The following NTNG1 variants were observed in gnomAD, a reference collection of about 807,000 sequenced individuals.
NTNG1 encodes the protein netrin G1.
Under a neutral mutation model 54.0 loss-of-function variants are expected in NTNG1, and 16 were observed. That is an observed-to-expected ratio of 0.30 (90% confidence interval 0.20 to 0.45). The LOEUF (loss-of-function observed/expected upper bound fraction) is 0.45. Among genes scored for constraint, NTNG1 ranks in the 20% least tolerant of loss-of-function variants. The probability of loss-of-function intolerance (pLI) is 1.00; values close to 1 mark genes in which losing one functional copy is unlikely to be tolerated. For missense variants in NTNG1, 530 were observed against 678.7 expected (o/e 0.78, Z 2.43); for synonymous variants, 255 against 263.1 (o/e 0.97, Z 0.30).
At chr1:107,220,571 C>T (rs1389473984) in intron 2 of NTNG1, among the ~76,000 whole-genome samples, 1 of 152,228 alleles carries the variant, frequency 6.6e-6, no homozygotes, top group Non-Finnish European at 1.5e-5. Context: ...GTCTGACTAC[C>T]TGCCAGATCC....
At chr1:107,180,373 T>A (rs1370148455) in intron 2 of NTNG1, among the ~76,000 whole-genome samples, 1 of 152,122 alleles carries the variant, frequency 6.6e-6, no homozygotes, top group Non-Finnish European at 1.5e-5. Flanking sequence ...ACTTTTTAAA[T>A]CTAAAATTAA....
intron 5 of NTNG1, among the ~76,000 whole-genome samples, chr1:107,411,232 G>C (rs148062713): frequency 6.6e-6 from 1 of 152,092 alleles, no homozygotes; most frequent in African/African-American, 2.4e-5. Flanking sequence ...TTCACTTAAG[G>C]GAAATAGCTA....
intron 2 of NTNG1, among the ~76,000 whole-genome samples, chr1:107,176,547 C>T (rs957407208): frequency 2.0e-5 from 3 of 152,152 alleles, no homozygotes; most frequent in Non-Finnish European, 4.4e-5. Context: ...GGATGAACTG[C>T]ATATACACTT....
At chr1:107,425,387 T>C (rs1199084022) in intron 5 of NTNG1, among the ~76,000 whole-genome samples, 1 of 152,042 alleles carries the variant, frequency 6.6e-6, no homozygotes, top group Non-Finnish European at 1.5e-5. Flanking sequence ...TTTATGTCCG[T>C]ATGTACCCTT....
At chr1:107,441,409 T>C (rs935868572) in intron 7 of NTNG1, among the ~76,000 whole-genome samples, 1 of 152,018 alleles carries the variant, frequency 6.6e-6, no homozygotes, top group Non-Finnish European at 1.5e-5. Flanking sequence ...GAAGAATTCA[T>C]AGTCTGCTTA....
intron 2 of NTNG1, among the ~76,000 whole-genome samples, chr1:107,215,299 T>C (rs1218883902): frequency 2.0e-5 from 3 of 152,202 alleles, no homozygotes; most frequent in Non-Finnish European, 2.9e-5. Context: ...CCATCTTGAG[T>C]TGATTTTTAT....
At chr1:107,252,425 A>G (rs75588621) in intron 2 of NTNG1, among the ~76,000 whole-genome samples, 1 of 152,312 alleles carries the variant, frequency 6.6e-6, no homozygotes, top group African/African-American at 2.4e-5. Context: ...AATGGCTCCA[A>G]CAGGTAATCA....
chr1:107,307,250 A>G (rs1348580748), intron 2 of NTNG1, among the ~76,000 whole-genome samples: 2 of 152,210 alleles, frequency 1.3e-5, no homozygotes, highest in East Asian at 1.9e-4. Flanking sequence ...TGTGTATTCT[A>G]TGAAGAGATT....
chr1:107,154,756 A>G (rs965620501), intron 2 of NTNG1, among the ~76,000 whole-genome samples: 1 of 151,248 alleles, frequency 6.6e-6, no homozygotes, highest in Non-Finnish European at 1.5e-5. Flanking sequence ...CCTGATATAT[A>G]TATATATATC....
chr1:107,318,744 T>C (rs1171676595), intron 2 of NTNG1, among the ~76,000 whole-genome samples: 1 of 152,102 alleles, frequency 6.6e-6, no homozygotes, highest in East Asian at 1.9e-4. Context: ...CTTGGAACAT[T>C]TCCCCAGAGA....
intron 2 of NTNG1, among the ~76,000 whole-genome samples, chr1:107,185,763 G>T (rs1332911024): frequency 6.6e-6 from 1 of 152,120 alleles, no homozygotes; most frequent in Non-Finnish European, 1.5e-5. Context: ...ATGGGGGACA[G>T]CTAGGATCAC....
intron 2 of NTNG1, among the ~76,000 whole-genome samples, chr1:107,178,807 G>A (rs12096813): frequency 0.081 from 12,348 of 152,078 alleles, 1,685 homozygotes; most frequent in African/African-American, 0.28. Flanking sequence ...AAGCCATGGC[G>A]ACACACAACA....
At chr1:107,269,184 G>A (rs139279063) in intron 2 of NTNG1, among the ~76,000 whole-genome samples, 1 of 152,202 alleles carries the variant, frequency 6.6e-6, no homozygotes, top group African/African-American at 2.4e-5. Context: ...TACAAATCCT[G>A]TAGGACTCTC....
chr1:107,392,834 G>A (rs1325491142), intron 3 of NTNG1, among the ~76,000 whole-genome samples: 1 of 152,122 alleles, frequency 6.6e-6, no homozygotes, highest in Non-Finnish European at 1.5e-5. Flanking sequence ...AAAGCCTTTA[G>A]TAACAACCTA....
intron 7 of NTNG1, among the ~76,000 whole-genome samples, chr1:107,452,137 A>G (rs953607946): frequency 3.3e-5 from 5 of 152,152 alleles, no homozygotes; most frequent in Admixed American, 6.6e-5. Flanking sequence ...CTTGTAAACT[A>G]CTAAGCACAA....
intron 2 of NTNG1, among the ~76,000 whole-genome samples, chr1:107,171,227 G>A (rs562306751): frequency 4.0e-5 from 6 of 151,808 alleles, no homozygotes; most frequent in Admixed American, 1.3e-4. Context: ...TATTTTTTGA[G>A]TTGAGTTTCA....
chr1:107,282,875 T>TA (rs756205945), intron 2 of NTNG1, among the ~76,000 whole-genome samples: 1 of 152,104 alleles, frequency 6.6e-6, no homozygotes, highest in Non-Finnish European at 1.5e-5. Flanking sequence ...AAGTCCAAGA[T>TA]AAAGGTGCTG....
chr1:107,365,844 T>G (rs1376076467), intron 3 of NTNG1, among the ~76,000 whole-genome samples: 1 of 152,228 alleles, frequency 6.6e-6, no homozygotes, highest in Admixed American at 6.5e-5. Context: ...CATTATTTTA[T>G]TTTATGTTCA....
chr1:107,275,192 T>C (rs191219457), intron 2 of NTNG1, among the ~76,000 whole-genome samples: 3 of 151,894 alleles, frequency 2.0e-5, no homozygotes, highest in Admixed American at 2.0e-4. Context: ...GCCTGGCCAA[T>C]ATGGTGAAAC....
Sources: allele counts gnomAD v4.1 joint callset (sites outside exome capture counted in the v4.1 genomes callset), GRCh38; gene constraint gnomAD v4.1.1; transcripts MANE v1.5; gene names NCBI Gene and HGNC (gene_info 2026-07-23, HGNC 2026-07-21).